Variants in TFAP2D observed in about 807,000 individuals in gnomAD.
The protein encoded by TFAP2D is transcription factor AP-2-delta.
In TFAP2D, 9 loss-of-function variants were observed where a neutral mutation model predicts 43.6. The observed-to-expected ratio is 0.21, with a 90% CI of 0.12 to 0.36. The LOEUF (loss-of-function observed/expected upper bound fraction) is 0.36. TFAP2D is among the 10% of genes least tolerant of loss of function. The pLI, the probability that TFAP2D is intolerant of heterozygous loss-of-function variation, is 1.00. For synonymous variants in TFAP2D, 256 were observed against 224.9 expected (o/e 1.14, Z -1.24); for missense variants, 513 against 561.4 (o/e 0.91, Z 0.87).
At position 50,745,192 on chromosome 6, in the gene TFAP2D, A is replaced by G. The variant is rs1465446691; in HGVS notation, c.969A>G (p.Arg323=). 2 of 1,613,784 alleles carry G rather than the reference A, an allele frequency of 1.2e-6. No individual in the cohort carries two copies. The highest frequency in any genetic ancestry group is 1.7e-6 in the Non-Finnish European group (2 of 1,179,824). ...PAKAVGEHLA[R]QHMEQKEQTA... ...AAGCAGTAGGAGAACATCTTGCCAG[A>G]CAACATATGGAACAGAAAGAACAGA... The change falls in exon 6 of 8, where the codon AGA becomes AGG. Residue 323 remains arginine, a synonymous_variant. Coordinates refer to ENST00000008391, the MANE Select transcript of TFAP2D (RefSeq NM_172238.4).
At chr6:50,757,127 G>C (rs1248965682) in intron 7 of TFAP2D, among the ~76,000 whole-genome samples, 6 of 151,284 alleles carry the variant, frequency 4.0e-5, no homozygotes, top group African/African-American at 1.2e-4. Flanking sequence ...AAGTTTTGTT[G>C]TTTGCGTTAT....
intron 5 of TFAP2D, among the ~76,000 whole-genome samples, chr6:50,742,331 G>C (rs192277250): frequency 1.1e-4 from 16 of 152,082 alleles, no homozygotes; most frequent in Admixed American, 7.9e-4. Flanking sequence ...GGATCTGGCT[G>C]TCAGTGTAAA....
rs71305731 is a variant in TFAP2D, at chr6:50,714,104, CTTTT to C, written c.39+27_39+30del. On this transcript the variant is annotated intron_variant, in intron 1 of 7. Coordinates refer to ENST00000008391, the MANE Select transcript of TFAP2D (RefSeq NM_172238.4). ...AGTCCACGATGCCGAGGTATTATTA[CTTTT>C]TTTTTTTTTTTTTTTTGAGCGCGCG... The C allele has an allele frequency of 9.7e-4, 1,345 of 1,386,956 alleles. No individual in the cohort carries two copies. The highest frequency in any genetic ancestry group is 2.9e-3 in the Admixed American group (111 of 38,154). 85.9% of individuals were successfully genotyped at this position (1,386,956 alleles called of 1,614,324 possible). A position where few individuals can be genotyped will look rare whatever the true frequency, so the allele number is the denominator to read the frequency against.
chr6:50,723,065 T>C (rs182264331), intron 3 of TFAP2D, among the ~76,000 whole-genome samples: 2 of 152,324 alleles, frequency 1.3e-5, no homozygotes, highest in East Asian at 3.9e-4. Flanking sequence ...ATTAATATGA[T>C]CTGAACTCTG....
rs1769059387 is a variant in TFAP2D at position 50,742,469 on chromosome 6, C to T, written c.884-2638C>T. ...AATTCAAGAGGCGTGCTGCCATCCT[C>T]CTGTTTGCCCTGTTTTACCTCTCCC... On this transcript the variant is annotated intron_variant, in intron 5 of 7. Coordinates refer to ENST00000008391, the MANE Select transcript of TFAP2D (RefSeq NM_172238.4). Among the ~76,000 whole-genome samples, 4 of 151,962 alleles carry T rather than the reference C, an allele frequency of 2.6e-5. No homozygotes were observed. In the South Asian group the frequency reaches 8.3e-4, roughly 32 times the overall value.
intron 3 of TFAP2D, among the ~76,000 whole-genome samples, chr6:50,725,677 A>T (rs1371894585): frequency 3.9e-5 from 6 of 152,296 alleles, no homozygotes; most frequent in South Asian, 2.1e-4. Context: ...CTTCTTTGAG[A>T]TCTCATCATT....
intron 7 of TFAP2D, among the ~76,000 whole-genome samples, chr6:50,768,844 C>CT (rs1160664859): frequency 6.7e-6 from 1 of 148,868 alleles, no homozygotes; most frequent in Non-Finnish European, 1.5e-5. Context: ...GTCAAAATGA[C>CT]TTTTTTTTAT....
chr6:50,719,493 G>GAAA (rs1581757934), intron 3 of TFAP2D, among the ~76,000 whole-genome samples: 1 of 136,134 alleles, frequency 7.3e-6, no homozygotes, highest in Non-Finnish European at 1.7e-5. Flanking sequence ...AAGAAAGAAA[G>GAAA]AAAGAAAGAA....
intron 3 of TFAP2D, among the ~76,000 whole-genome samples, chr6:50,724,458 G>T (rs1475223274): frequency 6.6e-6 from 1 of 152,162 alleles, no homozygotes; most frequent in Non-Finnish European, 1.5e-5. Flanking sequence ...CGAGTGGGGC[G>T]GCGCTGTGGC....
intron 7 of TFAP2D, among the ~76,000 whole-genome samples, chr6:50,770,959 G>A (rs977384785): frequency 3.9e-5 from 6 of 152,156 alleles, no homozygotes; most frequent in South Asian, 4.2e-4. Flanking sequence ...ATTATGAGAC[G>A]TAGGAAGCAA....
intron 7 of TFAP2D, among the ~76,000 whole-genome samples, chr6:50,759,049 G>C (rs1289164620): frequency 6.6e-6 from 1 of 151,982 alleles, no homozygotes; most frequent in Non-Finnish European, 1.5e-5. Context: ...TAAGAGACTA[G>C]TGGTTAAAAC....
chr6:50,738,878 C>T (rs1171000074), intron 5 of TFAP2D, among the ~76,000 whole-genome samples: 1 of 152,116 alleles, frequency 6.6e-6, no homozygotes, highest in East Asian at 1.9e-4. Context: ...TATTAACTCG[C>T]TAGTGGCTGC....
rs903945272 is a variant in TFAP2D at position 50,772,967 on chromosome 6, C to G, written c.*103C>G. On this transcript the variant is annotated 3_prime_UTR_variant, in exon 8 of 8. Transcript: ENST00000008391. ...AATCTTCAGTGGACCAAATCTCTAC[C>G]CTTCCCCAACCCTCCATAAAAAAAC... The G allele has an allele frequency of 9.8e-7, 1 of 1,022,804 alleles. No homozygotes were observed. The highest frequency in any genetic ancestry group is 1.6e-5 in the African/African-American group (1 of 61,444). 63.4% of individuals were successfully genotyped at this position (1,022,804 alleles called of 1,614,324 possible).
At chr6:50,753,309 T>G (rs1325577979) in intron 7 of TFAP2D, among the ~76,000 whole-genome samples, 1 of 151,952 alleles carries the variant, frequency 6.6e-6, no homozygotes. Context: ...GCCATCCTTT[T>G]TATGCTCAAA....
chr6:50,772,559 T>A, intron 7 of TFAP2D, 86 bp from the exon 8 acceptor site: 1 of 1,157,640 alleles, frequency 8.6e-7, no homozygotes, highest in Non-Finnish European at 1.3e-6. Context: ...TTTAATTGAA[T>A]GTTCTGAATT....
chr6:50,772,230 G>A (rs754763734), intron 7 of TFAP2D, among the ~76,000 whole-genome samples: 18 of 152,034 alleles, frequency 1.2e-4, no homozygotes, highest in African/African-American at 2.4e-4. Flanking sequence ...CTCACACACC[G>A]GGGCCTGTCA....
intron 2 of TFAP2D, among the ~76,000 whole-genome samples, chr6:50,717,353 G>A (rs998587001): frequency 2.0e-5 from 3 of 152,116 alleles, no homozygotes; most frequent in African/African-American, 4.8e-5. Flanking sequence ...CTTATGAGGG[G>A]AAAAAGTTTG....
At chr6:50,738,058 A>T (rs1768987505) in intron 5 of TFAP2D, among the ~76,000 whole-genome samples, 2 of 152,294 alleles carry the variant, frequency 1.3e-5, no homozygotes, top group Non-Finnish European at 1.5e-5. Flanking sequence ...CATTGACATT[A>T]TAGTACTTTC....
chr6:50,772,681 T>G lies in TFAP2D; in HGVS notation c.1176T>G (p.Cys392Trp). The change falls in exon 8 of 8, where the codon TGT becomes TGG. Residue 392 changes from cysteine (C) to tryptophan (W), a missense_variant. Physicochemically the swap from Cys to Trp is radical, Grantham distance 215 (BLOSUM62 -2). Around this residue, in one of 3 missense-constraint regions of TFAP2D, gnomAD observed 199 missense variants for 227.9 expected, o/e 0.87. Coordinates refer to ENST00000008391, the MANE Select transcript of TFAP2D (RefSeq NM_172238.4). ...ATGGCTTTGGGACTCCGGCAATATG[T>G]GCAGCTCTAAGCACTTTCCAAACAG... ...ITHGFGTPAI[C>W]AALSTFQTVL... 6.2e-7 allele frequency: 1 copy of G among 1,614,168 alleles called. No individual in the cohort carries two copies. The highest frequency in any genetic ancestry group is 8.5e-7 in the Non-Finnish European group (1 of 1,180,004).
Sources: gnomAD v4.1 joint callset for allele counts (sites outside exome capture counted in the v4.1 genomes callset) on GRCh38, gnomAD v4.1.1 for gene constraint, gnomAD v4.1.1 regional missense constraint, MANE v1.5 for transcripts, NCBI Gene and HGNC (gene_info 2026-07-23, HGNC 2026-07-21) for gene names.